FARS2: variants seen among roughly 807,000 people sequenced by gnomAD.
The protein encoded by FARS2 is phenylalanine--tRNA ligase, mitochondrial.
Under a neutral mutation model 46.4 loss-of-function variants are expected in FARS2, and 40 were observed. That is an observed-to-expected ratio of 0.86 (90% confidence interval 0.67 to 1.12). FARS2 has a LOEUF of 1.12. Among genes scored for constraint, FARS2 ranks in the 50% most tolerant of loss-of-function variants. FARS2 has a pLI of 0.00. For missense variants in FARS2, 513 were observed against 567.9 expected (o/e 0.90, Z 0.98); for synonymous variants, 234 against 214.9 (o/e 1.09, Z -0.78).
At chr6:5,677,732 G>A (rs920590313) in intron 6 of FARS2, among the ~76,000 whole-genome samples, 5 of 152,210 alleles carry the variant, frequency 3.3e-5, no homozygotes, top group Non-Finnish European at 7.3e-5. Flanking sequence ...ATATAACAGA[G>A]TGTGTGTTCA....
rs547755282 is a variant in FARS2, at chr6:5,609,880, G to A, written c.1066-3289G>A. On this transcript the variant is annotated intron_variant, in intron 5 of 6. Transcript: ENST00000274680. ...AGTGTCTTTAATGCCACCAACAAAT[G>A]CCTTTTTCACAGTTAAGTGGGCATC... is the stretch of plus-strand genomic sequence containing the variant. 3.0e-6 allele frequency: 3 copies of A among 994,496 alleles called. No individual in the cohort carries two copies. The African/African-American group carries it at 4.7e-5, about 16-fold the overall frequency. The allele number at this position is 994,496 out of a possible 1,614,324, so 61.6% of individuals were successfully genotyped here. A position where few individuals can be genotyped will look rare whatever the true frequency, so the allele number is the denominator to read the frequency against.
At chr6:5,312,879 C>G (rs151029676) in intron 1 of FARS2, among the ~76,000 whole-genome samples, 2,027 of 152,246 alleles carry the variant, frequency 0.013, 20 homozygotes, top group Non-Finnish European at 0.02. Flanking sequence ...CACGTTCCTG[C>G]CCCCAAAGAA....
At chr6:5,503,399 CACACACAGAG>C (rs144670787) in intron 4 of FARS2, among the ~76,000 whole-genome samples, 14,024 of 94,306 alleles carry the variant, frequency 0.15, 735 homozygotes, top group African/African-American at 0.21. Flanking sequence ...CACACACACA[CACACACAGAG>C]AGAGAGAGAG....
At chr6:5,283,386 A>C (rs1394381345) in intron 1 of FARS2, among the ~76,000 whole-genome samples, 11 of 150,930 alleles carry the variant, frequency 7.3e-5, no homozygotes, top group African/African-American at 1.5e-4. Context: ...AAAAAAAAAA[A>C]AAAAAAAAAC....
At chr6:5,392,025 G>A (rs1309612393) in intron 2 of FARS2, among the ~76,000 whole-genome samples, 6 of 152,152 alleles carry the variant, frequency 3.9e-5, no homozygotes, top group Admixed American at 2.6e-4. Context: ...TATACAAACT[G>A]TTGGGTGCGA....
chr6:5,655,177 A>G (rs533406664), intron 6 of FARS2, among the ~76,000 whole-genome samples: 3 of 152,286 alleles, frequency 2.0e-5, no homozygotes, highest in African/African-American at 7.2e-5. Flanking sequence ...TCCACCGTAT[A>G]TGCTTTTCTC....
rs576407840 is a variant in FARS2, at chr6:5,640,359, C to T, written c.1217+27039C>T. ...AGTCATGGCAGGATTAAAGGAGATG[C>T]AGCAGATCTGAATTGGCTTCATATC... is the stretch of plus-strand genomic sequence containing the variant. On this transcript the variant is annotated intron_variant, in intron 6 of 6. Coordinates refer to ENST00000274680, the MANE Select transcript of FARS2 (RefSeq NM_006567.5). Among the ~76,000 whole-genome samples, 86 of 152,286 alleles carry T rather than the reference C, an allele frequency of 5.6e-4. 1 individual carries two copies. The Middle Eastern group carries it at 0.014, about 24-fold the overall frequency.
At chr6:5,692,811 T>C (rs923286644) in intron 6 of FARS2, among the ~76,000 whole-genome samples, 1 of 152,196 alleles carries the variant, frequency 6.6e-6, no homozygotes, top group Non-Finnish European at 1.5e-5. Flanking sequence ...TATCCTTGTA[T>C]GTTGGTCAAG....
chr6:5,600,599 G>T (rs112388125), intron 5 of FARS2, among the ~76,000 whole-genome samples: 3 of 152,258 alleles, frequency 2.0e-5, no homozygotes, highest in African/African-American at 7.2e-5. Flanking sequence ...CAAACATTTC[G>T]ATGGAAAACA....
At chr6:5,461,905 G>T (rs1368135432) in intron 4 of FARS2, among the ~76,000 whole-genome samples, 2 of 152,160 alleles carry the variant, frequency 1.3e-5, no homozygotes, top group African/African-American at 4.8e-5. Context: ...TCTTTATGTG[G>T]CCATATGATT....
At chr6:5,299,252 C>T (rs1231106883) in intron 1 of FARS2, among the ~76,000 whole-genome samples, 1 of 152,224 alleles carries the variant, frequency 6.6e-6, no homozygotes, top group Non-Finnish European at 1.5e-5. Context: ...CTCATTTAGA[C>T]TGTCATCTCC....
At chr6:5,481,273 C>T (rs766304890) in intron 4 of FARS2, among the ~76,000 whole-genome samples, 201 of 152,140 alleles carry the variant, frequency 1.3e-3, no homozygotes, top group Non-Finnish European at 1.8e-3. Context: ...GCCAGGCGGA[C>T]GTGTTAATAG....
At chr6:5,395,141 C>T (rs929807938) in intron 2 of FARS2, among the ~76,000 whole-genome samples, 9 of 152,146 alleles carry the variant, frequency 5.9e-5, no homozygotes, top group Non-Finnish European at 1.5e-5. Flanking sequence ...ACCTCTGCCT[C>T]ATAGGTTCAA....
At chr6:5,482,551 G>A (rs1766530126) in intron 4 of FARS2, among the ~76,000 whole-genome samples, 1 of 152,120 alleles carries the variant, frequency 6.6e-6, no homozygotes, top group Non-Finnish European at 1.5e-5. Flanking sequence ...TCCAGGTATT[G>A]AACACTCGAA....
intron 1 of FARS2, among the ~76,000 whole-genome samples, chr6:5,317,455 CTGAGTTCTT>C (rs1392604124): frequency 6.6e-6 from 1 of 152,174 alleles, no homozygotes; most frequent in East Asian, 1.9e-4. Flanking sequence ...AGCTCAGACT[CTGAGTTCTT>C]GGCTTTCCTG....
At chr6:5,260,372 C>T (rs1054475093), upstream of FARS2, among the ~76,000 whole-genome samples, 7 of 152,362 alleles carry the variant, frequency 4.6e-5, no homozygotes, top group South Asian at 6.2e-4. Flanking sequence ...TAACACTAAT[C>T]ATGCTCCTAG....
At chr6:5,671,691 GT>G (rs1214585122) in intron 6 of FARS2, among the ~76,000 whole-genome samples, 1 of 152,204 alleles carries the variant, frequency 6.6e-6, no homozygotes, top group Non-Finnish European at 1.5e-5. Context: ...ACAGAGGATG[GT>G]TTAACCTTTA....
chr6:5,589,193 G>A (rs777583527), intron 5 of FARS2, among the ~76,000 whole-genome samples: 3 of 152,120 alleles, frequency 2.0e-5, no homozygotes, highest in Non-Finnish European at 2.9e-5. Flanking sequence ...AGCTCCCCCC[G>A]TCCTAGGTCC....
At chr6:5,566,133 G>A (rs1006814968) in intron 5 of FARS2, among the ~76,000 whole-genome samples, 1 of 152,166 alleles carries the variant, frequency 6.6e-6, no homozygotes, top group South Asian at 2.1e-4. Context: ...GGAGAAGACA[G>A]CGTAGTGCTT....
Sources: gnomAD v4.1 joint callset for allele counts (sites outside exome capture counted in the v4.1 genomes callset) on GRCh38, gnomAD v4.1.1 for gene constraint, MANE v1.5 for transcripts, NCBI Gene and HGNC (gene_info 2026-07-23, HGNC 2026-07-21) for gene names.